USP7: variants seen among roughly 807,000 people sequenced by gnomAD.
The protein encoded by USP7 is ubiquitin C-terminal hydrolase 7.
A neutral mutation model predicts 162.9 loss-of-function variants in USP7; 9 were observed. That is an observed-to-expected ratio of 0.06 (90% CI 0.03 to 0.10). USP7 has a LOEUF of 0.10. Among genes scored for constraint, USP7 ranks in the 10% least tolerant of loss-of-function variants. The pLI is 1.00. For missense variants in USP7, 715 were observed against 1,373.7 expected (o/e 0.52, Z 7.58); for synonymous variants, 562 against 475.9 (o/e 1.18, Z -2.35).
chr16:8,904,060 C>A (rs2061821155), intron 15 of USP7, among the ~76,000 whole-genome samples: 1 of 152,188 alleles, frequency 6.6e-6, no homozygotes, highest in African/African-American at 2.4e-5. Flanking sequence ...GGCCTGACTT[C>A]TGACAACCAA....
chr16:8,930,246 C>A lies in USP7; in HGVS notation c.184+47G>T, dbSNP rs749029458. The A allele has an allele frequency of 4.6e-5, 67 of 1,470,036 alleles. No homozygotes were observed. In the South Asian group the frequency reaches 7.9e-4, roughly 17 times the overall value. 91.1% of individuals were successfully genotyped at this position (1,470,036 alleles called of 1,614,324 possible). A position where few individuals can be genotyped will look rare whatever the true frequency, so the allele number is the denominator to read the frequency against. Reference sequence around the variant, plus strand: ...CCAAGCATGGATCTGAACCTGTTTTCTGACAAGTTTCCGCCCACTGCGAGG... The same window carrying A: ...CCAAGCATGGATCTGAACCTGTTTTATGACAAGTTTCCGCCCACTGCGAGG... On this transcript the variant is annotated intron_variant, in intron 2 of 30. Transcript: ENST00000344836.
Position 8,904,425 on chromosome 16 carries a change from G to T in USP7, c.1704+10C>A. 6.2e-7 allele frequency: 1 copy of T among 1,612,964 alleles called. No homozygotes were observed. Among genetic ancestry groups the T allele is most frequent in the Non-Finnish European group, 8.5e-7 (1 of 1,179,692 alleles). On this transcript the variant is annotated intron_variant, in intron 15 of 30. Coordinates refer to ENST00000344836, the MANE Select transcript of USP7 (RefSeq NM_003470.3). ...TGGTGACCCGGAGTCCCAGAAGGGC[G>T]GGGGCTGACCTGCACTTGCATATAG...
In USP7 at chr16:8,909,041, T is replaced by G. The variant is rs2061902587; in HGVS notation, c.1162-591A>C. ...CTTCTAAGAAAATGTTCTGATTCAG[T>G]GTCAGCAAGGCCCTTCCCCAGCTGA... On this transcript the variant is annotated intron_variant, in intron 11 of 30. Coordinates refer to ENST00000344836, the MANE Select transcript of USP7 (RefSeq NM_003470.3). Among the ~76,000 whole-genome samples, 4 of 152,352 alleles carry G rather than the reference T, an allele frequency of 2.6e-5. No homozygotes were observed. In the South Asian group the frequency reaches 6.2e-4, roughly 24 times the overall value.
At chr16:8,914,526 T>A (rs1298337426) in intron 10 of USP7, among the ~76,000 whole-genome samples, 1 of 152,190 alleles carries the variant, frequency 6.6e-6, no homozygotes, top group Non-Finnish European at 1.5e-5. Context: ...TCAAAATTTT[T>A]GTGGTATATT....
In USP7 at chr16:8,893,353, C is replaced by T. The variant is rs2061630556; in HGVS notation, c.*645G>A. ...TTTAATAAAAAGACCCCCACAATGT[C>T]TGTCCGGACTGTATTCAGTGCATCC... On this transcript the variant is annotated 3_prime_UTR_variant, in exon 31 of 31. Coordinates refer to ENST00000344836, the MANE Select transcript of USP7 (RefSeq NM_003470.3). 2.0e-5 allele frequency: 3 copies of T among 152,288 alleles called. No individual in the cohort carries two copies. 9.4% of individuals were successfully genotyped at this position (152,288 alleles called of 1,614,324 possible).
At chr16:8,907,792 C>T (rs183820464) in intron 12 of USP7, among the ~76,000 whole-genome samples, 3 of 152,100 alleles carry the variant, frequency 2.0e-5, no homozygotes, top group Non-Finnish European at 2.9e-5. Flanking sequence ...CCAGCCTGGG[C>T]GACACAGCAA....
At chr16:8,941,532 C>G (rs376408721) in intron 1 of USP7, among the ~76,000 whole-genome samples, 1 of 152,358 alleles carries the variant, frequency 6.6e-6, no homozygotes, top group East Asian at 1.9e-4. Flanking sequence ...GTAACTTGTC[C>G]TAAGCCAAAA....
chr16:8,932,226 T>C (rs1316579595), intron 1 of USP7, among the ~76,000 whole-genome samples: 3 of 152,194 alleles, frequency 2.0e-5, no homozygotes, highest in Non-Finnish European at 4.4e-5. Flanking sequence ...TAAAGATCAA[T>C]TTCAGTCTTG....
At chr16:8,961,506 G>GT (rs1018621734) in intron 1 of USP7, among the ~76,000 whole-genome samples, 1 of 125,122 alleles carries the variant, frequency 8.0e-6, no homozygotes, top group Non-Finnish European at 1.7e-5. Flanking sequence ...AAAAAAAAAG[G>GT]GGGGGGGGGG....
intron 1 of USP7, among the ~76,000 whole-genome samples, chr16:8,953,341 C>G (rs9924441): frequency 6.6e-6 from 1 of 151,912 alleles, no homozygotes; most frequent in Non-Finnish European, 1.5e-5. Context: ...CAGCCAGACC[C>G]GTTCCTGCCA....
chr16:8,942,812 T>C lies in USP7; in HGVS notation c.80-12415A>G, dbSNP rs191400989. Among the ~76,000 whole-genome samples, 7 of 152,228 alleles carry C rather than the reference T, an allele frequency of 4.6e-5. No homozygotes were observed. In the East Asian group the frequency reaches 1.4e-3, roughly 29 times the overall value. On this transcript the variant is annotated intron_variant, in intron 1 of 30. Coordinates refer to ENST00000344836, the MANE Select transcript of USP7 (RefSeq NM_003470.3). Reference sequence around the variant, plus strand: ...AATCTCCCAGCTCGGCCTCCAAAAGTGTTGGGGTTACAGACATGAGCCACC... The same window carrying C: ...AATCTCCCAGCTCGGCCTCCAAAAGCGTTGGGGTTACAGACATGAGCCACC...
chr16:8,897,138 G>A, intron 25 of USP7, 39 bp from the exon 26 acceptor site: 1 of 1,483,402 alleles, frequency 6.7e-7, no homozygotes, highest in Non-Finnish European at 9.4e-7. Context: ...TTTCAAGAAA[G>A]CATAAAAGGT....
intron 1 of USP7, among the ~76,000 whole-genome samples, chr16:8,943,406 A>G (rs1596406846): frequency 6.6e-6 from 1 of 151,536 alleles, no homozygotes; most frequent in East Asian, 1.9e-4. Context: ...TGCAAGTAGA[A>G]GTTGCAGCAC....
rs1279468582 is a variant in USP7 at position 8,899,695 on chromosome 16, T to C, written c.2372A>G (p.Tyr791Cys). Residue 791 changes from tyrosine to cysteine, a missense_variant, in exon 22 of 31, where the codon TAC (tyrosine) becomes TGC (cysteine). Physicochemically the swap from Tyr to Cys is radical, Grantham distance 194 (BLOSUM62 -2). Transcript: ENST00000344836. ...ACAGAAAATGACATCAACGCGGTGG[T>C]AGAGATCTCGGAAATACTCCTTTGC... ...PTAKEYFRDL[Y>C]HRVDVIFCDK... 3 of 1,614,204 alleles carry C rather than the reference T, an allele frequency of 1.9e-6. No individual in the cohort carries two copies. The highest frequency in any genetic ancestry group is 8.5e-7 in the Non-Finnish European group (1 of 1,180,018).
At chr16:8,928,595 T>C (rs955211581) in intron 2 of USP7, among the ~76,000 whole-genome samples, 13 of 152,192 alleles carry the variant, frequency 8.5e-5, no homozygotes, top group African/African-American at 3.1e-4. Context: ...GTTCTTCTCC[T>C]ACAGTCAGGA....
At chr16:8,935,331 T>C (rs1898638657) in intron 1 of USP7, among the ~76,000 whole-genome samples, 1 of 151,742 alleles carries the variant, frequency 6.6e-6, no homozygotes, top group African/African-American at 2.4e-5. Context: ...CACCTCAGCC[T>C]CCTGAGTAGC....
chr16:8,905,486 G>A (rs533849455), intron 13 of USP7, among the ~76,000 whole-genome samples, 155 bp from the exon 14 acceptor site: 12 of 152,302 alleles, frequency 7.9e-5, no homozygotes, highest in East Asian at 1.9e-4. Flanking sequence ...ACAATCTGAC[G>A]GTGTGCTAGG....
chr16:8,896,935 C>T, intron 26 of USP7, 64 bp downstream of exon 26: 2 of 1,254,866 alleles, frequency 1.6e-6, no homozygotes, highest in South Asian at 1.2e-5. Flanking sequence ...AACGCAACTG[C>T]AGAGGTCAGC....
In USP7 at chr16:8,963,840, G is replaced by C. The variant is rs1024739825; in HGVS notation, c.-555C>G. Among the ~76,000 whole-genome samples, 1 of 146,754 alleles carries C rather than the reference G, an allele frequency of 6.8e-6. No individual in the cohort carries two copies. Among genetic ancestry groups the C allele is most frequent in the Non-Finnish European group, 1.5e-5 (1 of 65,908 alleles). ...TCCTCGGCGTCGTCGTCGGGGCTCC[G>C]GCAGCGGACGCGGCGCCCGGCAGCT... On this transcript the variant is annotated 5_prime_UTR_variant, in exon 1 of 31. Coordinates refer to ENST00000344836, the MANE Select transcript of USP7 (RefSeq NM_003470.3).
Sources: gnomAD v4.1 joint callset for allele counts (sites outside exome capture counted in the v4.1 genomes callset) on GRCh38, gnomAD v4.1.1 for gene constraint, MANE v1.5 for transcripts, NCBI Gene and HGNC (gene_info 2026-07-23, HGNC 2026-07-21) for gene names.